LIN7A: variants seen among roughly 807,000 people sequenced by gnomAD.
LIN7A encodes protein lin-7 homolog A.
In LIN7A, 25 loss-of-function variants were observed where a neutral mutation model predicts 29.8. The ratio of observed to expected loss-of-function variants is 0.84; its 90% CI spans 0.61 to 1.17. The LOEUF (loss-of-function observed/expected upper bound fraction) is 1.17. Among genes scored for constraint, LIN7A ranks in the 50% most tolerant of loss-of-function variants. The probability of loss-of-function intolerance (pLI) is 0.00; values close to 1 mark genes in which losing one functional copy is unlikely to be tolerated. For missense variants in LIN7A, 239 were observed against 287.0 expected (o/e 0.83, Z 1.21); for synonymous variants, 118 against 107.5 (o/e 1.10, Z -0.60).
At chr12:80,880,394 G>A (rs1286657131) in intron 2 of LIN7A, among the ~76,000 whole-genome samples, 1 of 152,136 alleles carries the variant, frequency 6.6e-6, no homozygotes, top group Non-Finnish European at 1.5e-5. Context: ...TCAGCCAAGT[G>A]CATTAACACT....
At chr12:80,823,606 G>A (rs969739835) in intron 4 of LIN7A, among the ~76,000 whole-genome samples, 3 of 152,220 alleles carry the variant, frequency 2.0e-5, no homozygotes, top group Non-Finnish European at 4.4e-5. Flanking sequence ...ATCCAGGCGA[G>A]TAGCAGAAGC....
chr12:80,795,554 T>C lies in LIN7A; in HGVS notation c.*2173A>G, dbSNP rs933386778. The C allele has an allele frequency of 6.6e-6, 1 of 152,132 alleles. No individual in the cohort carries two copies. The highest frequency in any genetic ancestry group is 1.5e-5 in the Non-Finnish European group (1 of 67,998). The allele number at this position is 152,132 out of a possible 1,614,324, so 9.4% of individuals were successfully genotyped here. ...TTTGTATTGATGTGAAACCATATGA[T>C]AACTTTAATTTTGACCAAACATTTA... is the stretch of plus-strand genomic sequence containing the variant. On this transcript the variant is annotated 3_prime_UTR_variant, in exon 6 of 6. Coordinates refer to ENST00000552864, the MANE Select transcript of LIN7A (RefSeq NM_004664.4).
intron 5 of LIN7A, among the ~76,000 whole-genome samples, chr12:80,804,296 T>A (rs1870865111): frequency 6.6e-6 from 1 of 152,130 alleles, no homozygotes; most frequent in Non-Finnish European, 1.5e-5. Flanking sequence ...CCTGTTGTGC[T>A]GTCAAATACT....
intron 1 of LIN7A, among the ~76,000 whole-genome samples, chr12:80,918,520 A>T (rs1265197067): frequency 6.6e-6 from 1 of 151,654 alleles, no homozygotes; most frequent in Non-Finnish European, 1.5e-5. Flanking sequence ...CTCCCTTTTC[A>T]TCTCCCTTCA....
chr12:80,914,021 C>T (rs1319187755), intron 1 of LIN7A, among the ~76,000 whole-genome samples: 2 of 152,188 alleles, frequency 1.3e-5, no homozygotes, highest in African/African-American at 2.4e-5. Context: ...GAGCTAAACT[C>T]ATCAACTTCA....
chr12:80,804,660 T>G (rs1870885272), intron 5 of LIN7A, among the ~76,000 whole-genome samples: 1 of 152,012 alleles, frequency 6.6e-6, no homozygotes, highest in African/African-American at 2.4e-5. Flanking sequence ...TGCCTCAGAC[T>G]CCAAAGTAGC....
At chr12:80,821,679 C>A (rs1181490906) in intron 4 of LIN7A, among the ~76,000 whole-genome samples, 1 of 152,118 alleles carries the variant, frequency 6.6e-6, no homozygotes, top group Non-Finnish European at 1.5e-5. Flanking sequence ...CTTTAGGGAG[C>A]CAGTGGGAGC....
chr12:80,834,909 G>A (rs922880630), intron 4 of LIN7A, among the ~76,000 whole-genome samples: 1 of 152,122 alleles, frequency 6.6e-6, no homozygotes, highest in Non-Finnish European at 1.5e-5. Flanking sequence ...CTTGCTTTAG[G>A]CTAGTGCCAA....
intron 1 of LIN7A, among the ~76,000 whole-genome samples, chr12:80,894,355 C>A (rs1173946381): frequency 1.3e-5 from 2 of 152,108 alleles, no homozygotes; most frequent in Non-Finnish European, 2.9e-5. Flanking sequence ...TTTCCTAGAA[C>A]CTACTCCTCC....
intron 4 of LIN7A, among the ~76,000 whole-genome samples, chr12:80,814,715 C>T (rs1240815017): frequency 1.3e-5 from 2 of 152,104 alleles, no homozygotes; most frequent in East Asian, 3.8e-4. Context: ...TCTTCCAGTC[C>T]CTGCTCTGCC....
At chr12:80,822,321 G>A (rs1429887168) in intron 4 of LIN7A, among the ~76,000 whole-genome samples, 3 of 152,162 alleles carry the variant, frequency 2.0e-5, no homozygotes, top group African/African-American at 7.2e-5. Context: ...ACTTTGGGAG[G>A]CTGAGGTGGG....
At chr12:80,806,430 A>G (rs1238824055) in intron 5 of LIN7A, among the ~76,000 whole-genome samples, 1 of 152,200 alleles carries the variant, frequency 6.6e-6, no homozygotes, top group Admixed American at 6.5e-5. Flanking sequence ...AAGTAAGCAT[A>G]AGAGAAAATT....
intron 4 of LIN7A, among the ~76,000 whole-genome samples, chr12:80,839,611 C>T (rs527546512): frequency 6.6e-6 from 1 of 152,272 alleles, no homozygotes; most frequent in African/African-American, 2.4e-5. Context: ...TATGTTTTCT[C>T]TTTGTTCCGA....
intron 4 of LIN7A, among the ~76,000 whole-genome samples, chr12:80,813,110 A>G (rs1046995163): frequency 5.3e-5 from 8 of 152,016 alleles, no homozygotes; most frequent in Admixed American, 5.2e-4. Context: ...TCCCGGGTTC[A>G]TGCCATTCTC....
chr12:80,937,520 C>T, intron 1 of LIN7A, 121 bp downstream of exon 1: 2 of 605,502 alleles, frequency 3.3e-6, no homozygotes, highest in Non-Finnish European at 5.2e-6. Context: ...CTTCCTGGCT[C>T]GTCCTCGTTC....
At chr12:80,854,485 CCAAAAAAAAAAA>C (rs1487435714) in intron 2 of LIN7A, among the ~76,000 whole-genome samples, 35 of 37,114 alleles carry the variant, frequency 9.4e-4, no homozygotes, top group Non-Finnish European at 1.6e-3. Context: ...TGTTGCTAAG[CCAAAAAAAAAAA>C]AAAAAAAAAA....
intron 5 of LIN7A, among the ~76,000 whole-genome samples, chr12:80,806,551 T>C (rs1330302009): frequency 6.6e-6 from 1 of 152,226 alleles, no homozygotes; most frequent in African/African-American, 2.4e-5. Context: ...TTATTTCTAA[T>C]TTCAGAGTAG....
At chr12:80,927,100 T>C (rs544981826) in intron 1 of LIN7A, among the ~76,000 whole-genome samples, 9 of 151,626 alleles carry the variant, frequency 5.9e-5, no homozygotes, top group African/African-American at 2.2e-4. Flanking sequence ...ATATGGTTTT[T>C]CTCCTTTAAT....
intron 1 of LIN7A, among the ~76,000 whole-genome samples, chr12:80,933,129 T>A (rs1024548308): frequency 6.6e-6 from 1 of 152,228 alleles, no homozygotes; most frequent in African/African-American, 2.4e-5. Context: ...TGTAGATTTA[T>A]GCATAGTGAC....
Sources: gnomAD v4.1 joint callset for allele counts (sites outside exome capture counted in the v4.1 genomes callset) on GRCh38, gnomAD v4.1.1 for gene constraint, MANE v1.5 for transcripts, NCBI Gene and HGNC (gene_info 2026-07-23, HGNC 2026-07-21) for gene names.